Variants in NTNG1 observed in about 807,000 individuals in gnomAD.
NTNG1 encodes netrin-G1.
In NTNG1, 16 loss-of-function variants were observed where a neutral mutation model predicts 54.0. The ratio of observed to expected loss-of-function variants is 0.30; its 90% CI spans 0.20 to 0.45. The LOEUF is 0.45. Ranked by LOEUF, NTNG1 falls within the 20% of genes least tolerant of loss-of-function variation. The probability of loss-of-function intolerance (pLI) is 1.00; values close to 1 mark genes in which losing one functional copy is unlikely to be tolerated. For missense variants in NTNG1, 530 were observed against 678.7 expected, an observed-to-expected ratio of 0.78 and a Z score of 2.43; for synonymous variants, 255 against 263.1, an observed-to-expected ratio of 0.97 and a Z score of 0.30.
intron 7 of NTNG1, among the ~76,000 whole-genome samples, chr1:107,476,094 G>A (rs1404177165): frequency 3.3e-5 from 5 of 152,178 alleles, no homozygotes; most frequent in Non-Finnish European, 5.9e-5. Context: ...AACTCAAAGT[G>A]CCCTTACTGT....
At chr1:107,251,631 T>C (rs1006551600) in intron 2 of NTNG1, among the ~76,000 whole-genome samples, 2 of 152,186 alleles carry the variant, frequency 1.3e-5, no homozygotes, top group African/African-American at 4.8e-5. Context: ...TCTAAATTAA[T>C]GTCTCCAGTT....
chr1:107,196,522 C>T (rs577389316), intron 2 of NTNG1, among the ~76,000 whole-genome samples: 7 of 152,044 alleles, frequency 4.6e-5, no homozygotes, highest in East Asian at 3.9e-4. Flanking sequence ...GGGATGGACT[C>T]GGAGTCCTTG....
chr1:107,401,891 CT>C (rs1175954058), intron 4 of NTNG1, among the ~76,000 whole-genome samples: 2 of 151,946 alleles, frequency 1.3e-5, no homozygotes, highest in African/African-American at 4.8e-5. Flanking sequence ...TAAAATCAGC[CT>C]GATTATTGAC....
chr1:107,332,999 A>C (rs1437472247), intron 3 of NTNG1, among the ~76,000 whole-genome samples: 1 of 152,020 alleles, frequency 6.6e-6, no homozygotes, highest in East Asian at 1.9e-4. Flanking sequence ...AAAACATTGA[A>C]AAAAATGGAT....
At chr1:107,293,710 A>G (rs1570604619) in intron 2 of NTNG1, among the ~76,000 whole-genome samples, 1 of 152,298 alleles carries the variant, frequency 6.6e-6, no homozygotes, top group East Asian at 1.9e-4. Flanking sequence ...TGTTGTAAGG[A>G]TTAAATGAGA....
intron 1 of NTNG1, among the ~76,000 whole-genome samples, chr1:107,142,208 G>A (rs917135233): frequency 1.9e-4 from 29 of 151,928 alleles, no homozygotes; most frequent in African/African-American, 6.5e-4. Flanking sequence ...AATATTATTG[G>A]GCCTAAAATA....
intron 2 of NTNG1, among the ~76,000 whole-genome samples, chr1:107,276,943 A>C (rs955801410): frequency 2.0e-5 from 3 of 152,102 alleles, no homozygotes; most frequent in Non-Finnish European, 4.4e-5. Flanking sequence ...TAGATATGAA[A>C]GAGATTTATT....
At chr1:107,357,742 C>T (rs1338653267) in intron 3 of NTNG1, among the ~76,000 whole-genome samples, 1 of 151,992 alleles carries the variant, frequency 6.6e-6, no homozygotes, top group Non-Finnish European at 1.5e-5. Flanking sequence ...TCGTTTTTCA[C>T]AATGACAGCT....
intron 2 of NTNG1, among the ~76,000 whole-genome samples, chr1:107,287,252 C>G (rs1219736751): frequency 6.6e-6 from 1 of 152,072 alleles, no homozygotes; most frequent in East Asian, 1.9e-4. Context: ...TATTTCCTCC[C>G]TCTCAACCAA....
At chr1:107,266,725 C>T (rs1381610679) in intron 2 of NTNG1, among the ~76,000 whole-genome samples, 2 of 151,416 alleles carry the variant, frequency 1.3e-5, no homozygotes, top group Non-Finnish European at 2.9e-5. Context: ...AGGAGAATAG[C>T]CACCAAGAAG....
intron 2 of NTNG1, among the ~76,000 whole-genome samples, chr1:107,294,512 C>A (rs1391637307): frequency 6.6e-6 from 1 of 152,088 alleles, no homozygotes; most frequent in Non-Finnish European, 1.5e-5. Context: ...ACTTCCCTGC[C>A]CCTCCACTAC....
At chr1:107,218,842 C>T (rs1448865974) in intron 2 of NTNG1, among the ~76,000 whole-genome samples, 1 of 152,022 alleles carries the variant, frequency 6.6e-6, no homozygotes, top group African/African-American at 2.4e-5. Flanking sequence ...AGATTCTTTC[C>T]TTTGTTGTGA....
chr1:107,222,265 G>T (rs1305129984), intron 2 of NTNG1, among the ~76,000 whole-genome samples: 1 of 152,056 alleles, frequency 6.6e-6, no homozygotes, highest in East Asian at 1.9e-4. Flanking sequence ...ACTGCAGACT[G>T]AAAGTTCTAA....
chr1:107,392,487 C>T (rs1361514555), intron 3 of NTNG1, among the ~76,000 whole-genome samples: 1 of 151,844 alleles, frequency 6.6e-6, no homozygotes, highest in Non-Finnish European at 1.5e-5. Flanking sequence ...TGAAGAGGTT[C>T]CTGAAAACGA....
At position 107,436,708 on chromosome 1, in the gene NTNG1, T is replaced by A. The variant is rs1234753709; in HGVS notation, c.1299T>A (p.Asn433Lys). The A allele has an allele frequency of 6.2e-7, 1 of 1,613,524 alleles. No homozygotes were observed. Among genetic ancestry groups the A allele is most frequent in the Non-Finnish European group, 8.5e-7 (1 of 1,179,572 alleles). The change falls in exon 7 of 8, where the codon AAT (asparagine) becomes AAA (lysine). Residue 433 changes from asparagine (N) to lysine (K), a missense_variant. By Grantham distance (94) the Asn-to-Lys change is moderately conservative. Transcript: ENST00000370068. ...NPLGSIHDRCNGSGFCECKTG... is the reference protein window; with the variant it reads ...NPLGSIHDRCKGSGFCECKTG... ...TGGGCTCAATCCATGATCGTTGTAA[T>A]GGCTCAGGATTTTGTGAGTGTAAGA...
chr1:107,400,437 CAATATCCCCAT>C (rs1374667737), intron 4 of NTNG1, among the ~76,000 whole-genome samples: 4 of 152,106 alleles, frequency 2.6e-5, no homozygotes, highest in African/African-American at 9.7e-5. Flanking sequence ...TAAATCCCCA[CAATATCCCCAT>C]GAGATATGTA....
At chr1:107,413,221 G>A (rs1165374656) in intron 5 of NTNG1, among the ~76,000 whole-genome samples, 2 of 150,632 alleles carry the variant, frequency 1.3e-5, no homozygotes, top group Non-Finnish European at 2.9e-5. Context: ...GGAGTGCAGT[G>A]ACGCAGTCTC....
chr1:107,423,520 C>T (rs1235396793), intron 5 of NTNG1, among the ~76,000 whole-genome samples: 1 of 152,090 alleles, frequency 6.6e-6, no homozygotes, highest in Non-Finnish European at 1.5e-5. Flanking sequence ...TCTTCTGGTA[C>T]ATGATGGCTG....
At chr1:107,182,485 T>C (rs868565551) in intron 2 of NTNG1, among the ~76,000 whole-genome samples, 12 of 152,302 alleles carry the variant, frequency 7.9e-5, no homozygotes, top group Middle Eastern at 3.4e-3. Flanking sequence ...TGTCTGACTA[T>C]GTGTTGAGCT....
Sources: gnomAD v4.1 joint callset for allele counts (sites outside exome capture counted in the v4.1 genomes callset) on GRCh38, gnomAD v4.1.1 for gene constraint, MANE v1.5 for transcripts, NCBI Gene and HGNC (gene_info 2026-07-23, HGNC 2026-07-21) for gene names.